Variants in OSCP1 observed in about 807,000 individuals in gnomAD.
OSCP1 encodes organic solute carrier partner 1.
A neutral mutation model predicts 45.1 loss-of-function variants in OSCP1; 35 were observed. That is an observed-to-expected ratio of 0.78 (90% CI 0.59 to 1.03). OSCP1 has a LOEUF of 1.03. OSCP1 is among the 50% of genes least tolerant of loss of function. The pLI, the probability that OSCP1 is intolerant of heterozygous loss-of-function variation, is 0.00. For missense variants in OSCP1, 400 were observed against 470.7 expected (o/e 0.85, Z 1.39); for synonymous variants, 179 against 180.1 (o/e 0.99, Z 0.05).
At chr1:36,428,470 C>A (rs749598810) in intron 4 of OSCP1, 8 of 1,613,386 alleles carry the variant, frequency 5.0e-6, no homozygotes, top group Middle Eastern at 1.6e-4. Context: ...TCCAGAAGCA[C>A]TCTCTCTGTA....
At position 36,450,325 on chromosome 1, in the gene OSCP1, C is replaced by A. The variant is rs1309286392; in HGVS notation, c.45G>T (p.Gly15=). The A allele has an allele frequency of 6.2e-7, 1 of 1,613,808 alleles. No homozygotes were observed. The highest frequency in any genetic ancestry group is 8.5e-7 in the Non-Finnish European group (1 of 1,179,964). Residue 15 remains glycine (G), a synonymous_variant, in exon 1 of 10, where the codon GGG becomes GGT. Transcript: ENST00000235532. ...GTTGGTCGAGGATGTAAAGCATCTC[C>A]CCGCCCAAGTTCAAGAAGAGCAGCG... ...TLPLLFLNLG[G]EMLYILDQRL... is the part of the protein sequence containing the mutation.
Position 36,431,842 on chromosome 1 carries a change from C to T in OSCP1, c.476G>A (p.Arg159Gln), listed in dbSNP as rs373786872. 21 of 1,613,342 alleles carry T rather than the reference C, an allele frequency of 1.3e-5. No individual in the cohort carries two copies. The highest frequency in any genetic ancestry group is 6.6e-5 in the South Asian group (6 of 91,066). The change falls in exon 4 of 10, where the codon CGG (arginine) becomes CAG (glutamine). Residue 159 changes from arginine to glutamine, a missense_variant. Arg to Gln is a conservative substitution (Grantham distance 43). Coordinates refer to ENST00000235532, the MANE Select transcript of OSCP1 (RefSeq NM_145047.5). Reference protein sequence around the residue: ...GLSAGEFQLIRQTLLIFFQDL... With the variant: ...GLSAGEFQLIQQTLLIFFQDL... ...TTGGAAGAAGATGAGGAGTGTCTGCCGGATCAGCTGGAACTCCCCTGCAGA... is the reference window on the plus strand; with the variant it reads ...TTGGAAGAAGATGAGGAGTGTCTGCTGGATCAGCTGGAACTCCCCTGCAGA...
chr1:36,444,661 T>C (rs1377464943), intron 1 of OSCP1, among the ~76,000 whole-genome samples: 2 of 152,158 alleles, frequency 1.3e-5, no homozygotes, highest in Non-Finnish European at 2.9e-5. Context: ...AGAAAGCTTC[T>C]GAGGACAAAG....
In OSCP1 at chr1:36,438,848, G is replaced by A. The variant is rs1274427405; in HGVS notation, c.175C>T (p.Gln59Ter). The A allele has an allele frequency of 1.2e-6, 2 of 1,614,188 alleles. No individual in the cohort carries two copies. The highest frequency in any genetic ancestry group is 1.7e-6 in the Non-Finnish European group (2 of 1,179,998). Residue 59 changes from glutamine (Q) to a stop codon, truncating the protein, a stop_gained, in exon 2 of 10, where the codon CAA (glutamine) becomes TAA (stop). Transcript: ENST00000235532. LOFTEE classifies it high-confidence loss of function. ...RKFMEELFKP[Q>*]ELYSKKALRT... ...AGGGCCTTCTTGGAGTAGAGCTCTT[G>A]AGGCTTGAATAATTCCTCCATAAAC... is the stretch of plus-strand genomic sequence containing the variant.
At chr1:36,433,890 ATGT>A (rs947062787) in intron 2 of OSCP1, among the ~76,000 whole-genome samples, 6 of 152,216 alleles carry the variant, frequency 3.9e-5, no homozygotes, top group East Asian at 1.9e-4. Flanking sequence ...AATGAAAGAA[ATGT>A]TGTTGGAGCA....
At position 36,447,266 on chromosome 1, in the gene OSCP1, AC is replaced by A. The variant is rs1373504800; in HGVS notation, c.112+2991del. On this transcript the variant is annotated intron_variant, in intron 1 of 9. Coordinates refer to ENST00000235532, the MANE Select transcript of OSCP1 (RefSeq NM_145047.5). The surrounding 1 kb of genome is among the most constrained non-coding windows in gnomAD (Gnocchi z 4.1). Reference sequence around the variant, plus strand: ...CAGCCCGTTGAATCCTATGCTCTCTACCCTGTTTTCTCACTCTATCTTCTAC... The same window carrying A: ...CAGCCCGTTGAATCCTATGCTCTCTACCTGTTTTCTCACTCTATCTTCTAC... Among the ~76,000 whole-genome samples, 3 of 152,096 alleles carry A rather than the reference AC, an allele frequency of 2.0e-5. No homozygotes were observed. The highest frequency in any genetic ancestry group is 2.0e-4 in the Admixed American group (3 of 15,272).
chr1:36,445,056 C>G (rs183262829), intron 1 of OSCP1, among the ~76,000 whole-genome samples: 103 of 152,206 alleles, frequency 6.8e-4, no homozygotes, highest in African/African-American at 2.4e-3. Context: ...ATCTGTATTT[C>G]AAAAACATTT....
At chr1:36,422,270 T>C in intron 6 of OSCP1, 51 bp from the exon 7 acceptor site, 1 of 1,508,458 alleles carries the variant, frequency 6.6e-7, no homozygotes, top group Non-Finnish European at 9.2e-7. Context: ...TTCCACGGAC[T>C]TCTCTCTAAC....
chr1:36,439,175 T>A (rs1333262285), intron 1 of OSCP1, among the ~76,000 whole-genome samples: 1 of 152,222 alleles, frequency 6.6e-6, no homozygotes, highest in Admixed American at 6.5e-5. Context: ...ATAAACTCCT[T>A]ATATAAATAT....
chr1:36,425,925 C>T (rs879902601), intron 4 of OSCP1, among the ~76,000 whole-genome samples: 1 of 151,858 alleles, frequency 6.6e-6, no homozygotes. Flanking sequence ...GCTGGCATGC[C>T]GGGAGTCTGG....
intron 2 of OSCP1, among the ~76,000 whole-genome samples, chr1:36,436,137 T>C (rs1198912989): frequency 6.8e-6 from 1 of 147,838 alleles, no homozygotes; most frequent in Non-Finnish European, 1.5e-5. Context: ...GGAGTCTTGC[T>C]CTGTCCCCCA....
intron 1 of OSCP1, among the ~76,000 whole-genome samples, chr1:36,446,315 G>C (rs1036569031): frequency 1.8e-4 from 27 of 152,334 alleles, no homozygotes; most frequent in African/African-American, 6.5e-4. Context: ...GAGCCACTGC[G>C]CCCGGCCCCT....
At chr1:36,431,706 G>C in intron 4 of OSCP1, 96 bp downstream of exon 4, 1 of 1,202,322 alleles carries the variant, frequency 8.3e-7, no homozygotes, top group South Asian at 1.4e-5. Context: ...TCACTAACTG[G>C]GCAAAATCTC....
At chr1:36,421,427 A>G (rs904785542) in intron 7 of OSCP1, among the ~76,000 whole-genome samples, 3 of 151,990 alleles carry the variant, frequency 2.0e-5, no homozygotes, top group South Asian at 2.1e-4. Flanking sequence ...CCCCACTTCA[A>G]TATCCCCGCC....
rs1391274297 is a variant in OSCP1, at chr1:36,432,251, T to C, written c.435+171A>G. Among the ~76,000 whole-genome samples the C allele has an allele frequency of 2.0e-5, 3 of 152,170 alleles. No individual in the cohort carries two copies. In the East Asian group the frequency reaches 5.8e-4, roughly 29 times the overall value. ...TCAGTAAGAGGACATAAGATGATGA[T>C]GCCTGTTACATTACCAAAATGGACA... On this transcript the variant is annotated intron_variant, in intron 3 of 9. Coordinates refer to ENST00000235532, the MANE Select transcript of OSCP1 (RefSeq NM_145047.5).
intron 4 of OSCP1, 111 bp downstream of exon 4, chr1:36,431,691 G>T: frequency 1.1e-6 from 1 of 904,282 alleles, no homozygotes; most frequent in Non-Finnish European, 1.7e-6. Context: ...CAAACCCTGA[G>T]GACATCACTA....
chr1:36,431,755 C>T (rs1489742003), intron 4 of OSCP1, 47 bp downstream of exon 4: 4 of 1,587,948 alleles, frequency 2.5e-6, no homozygotes, highest in Non-Finnish European at 3.4e-6. Flanking sequence ...GGTTGTTTCC[C>T]TGGTACAGCA....
chr1:36,450,086 TG>T (rs1158427696), intron 1 of OSCP1, among the ~76,000 whole-genome samples, 171 bp downstream of exon 1: 1 of 151,672 alleles, frequency 6.6e-6, no homozygotes, highest in Non-Finnish European at 1.5e-5. Flanking sequence ...AAAAAGCTTT[TG>T]GGGGGATTTG....
chr1:36,438,830 T>C lies in OSCP1; in HGVS notation c.193A>G (p.Lys65Glu), dbSNP rs1444303851. The C allele has an allele frequency of 6.2e-7, 1 of 1,613,836 alleles. No homozygotes were observed. Among genetic ancestry groups the C allele is most frequent in the African/African-American group, 1.3e-5 (1 of 74,928 alleles). ...LFKPQELYSK[K>E]ALRTVYERLA... is the part of the protein sequence containing the mutation. ...CGCTCATAGACAGTCCTCAGGGCCT[T>C]CTTGGAGTAGAGCTCTTGAGGCTTG... is the stretch of plus-strand genomic sequence containing the variant. The change falls in exon 2 of 10, where the codon AAG (lysine) becomes GAG (glutamate). Residue 65 changes from lysine (K) to glutamate (E), a missense_variant. By Grantham distance (56) the Lys-to-Glu change is moderately conservative. Transcript: ENST00000235532.
Sources: gnomAD v4.1 joint callset for allele counts (sites outside exome capture counted in the v4.1 genomes callset) on GRCh38, gnomAD v4.1.1 for gene constraint, Gnocchi (gnomAD v3.1) non-coding constraint, MANE v1.5 for transcripts, NCBI Gene and HGNC (gene_info 2026-07-23, HGNC 2026-07-21) for gene names.